GPR137C: variants seen among roughly 807,000 people sequenced by gnomAD.
GPR137C encodes G protein-coupled receptor 137C, also known as integral membrane protein GPR137C.
A neutral mutation model predicts 43.4 loss-of-function variants in GPR137C; 27 were observed. The observed-to-expected ratio is 0.62, with a 90% CI of 0.46 to 0.86. The LOEUF is 0.86. Among genes scored for constraint, GPR137C ranks in the 40% least tolerant of loss-of-function variants. The pLI is 0.00. For synonymous variants in GPR137C, 285 were observed against 226.9 expected (o/e 1.26, Z -2.30); for missense variants, 522 against 534.6 (o/e 0.98, Z 0.23).
chr14:52,590,606 C>CTATGTTTTT (rs1343680264), intron 1 of GPR137C, among the ~76,000 whole-genome samples: 1 of 152,044 alleles, frequency 6.6e-6, no homozygotes. Context: ...TCTTGTATAC[C>CTATGTTTTT]ACATTTTTAC....
At chr14:52,615,901 C>CT (rs1412465341) in intron 3 of GPR137C, among the ~76,000 whole-genome samples, 2 of 152,112 alleles carry the variant, frequency 1.3e-5, no homozygotes, top group Admixed American at 1.3e-4. Context: ...CTCTCACTTG[C>CT]TTTTTAAATA....
At position 52,595,825 on chromosome 14, in the gene GPR137C, G is replaced by A. The variant is rs182715895; in HGVS notation, c.445-2447G>A. ...TTTTGAAGCCTACTTCTGTCAACTC[G>A]TCAAACTCGTTCTCCATCCAGTTTT... On this transcript the variant is annotated intron_variant, in intron 1 of 6. Transcript: ENST00000321662. Among the ~76,000 whole-genome samples the A allele has an allele frequency of 1.8e-4, 28 of 152,204 alleles. No homozygotes were observed. In the Middle Eastern group the frequency reaches 0.014, roughly 74 times the overall value.
intron 1 of GPR137C, among the ~76,000 whole-genome samples, chr14:52,581,386 A>T (rs1566609970): frequency 1.3e-5 from 2 of 149,660 alleles, no homozygotes; most frequent in Non-Finnish European, 3.0e-5. Flanking sequence ...AAAAAAAAAA[A>T]ATAGCTGGGC....
At chr14:52,594,267 G>C (rs1248752768) in intron 1 of GPR137C, among the ~76,000 whole-genome samples, 1 of 152,172 alleles carries the variant, frequency 6.6e-6, no homozygotes, top group Non-Finnish European at 1.5e-5. Flanking sequence ...TTTAGAATAA[G>C]TGTGATGTGG....
rs544956452 is a variant in GPR137C at position 52,595,166 on chromosome 14, G to C, written c.445-3106G>C. On this transcript the variant is annotated intron_variant, in intron 1 of 6. Coordinates refer to ENST00000321662, the MANE Select transcript of GPR137C (RefSeq NM_001099652.2). The stretch of plus-strand genomic sequence containing the variant: ...TGAACCCCACTCTTTTCTGGTTTGT[G>C]GGGTTTCTGCCGAGAGATCCCCTGT... Among the ~76,000 whole-genome samples the C allele has an allele frequency of 1.1e-4, 17 of 152,228 alleles. No homozygotes were observed. In the South Asian group the frequency reaches 3.5e-3, roughly 32 times the overall value.
At chr14:52,561,190 C>T (rs2168823) in intron 1 of GPR137C, among the ~76,000 whole-genome samples, 79,011 of 152,100 alleles carry the variant, frequency 0.52, 21,546 homozygotes, top group East Asian at 0.71. Flanking sequence ...AGACTAACCA[C>T]ACCAACTATT....
chr14:52,608,318 TAAC>T (rs1289968661), intron 3 of GPR137C, among the ~76,000 whole-genome samples: 4 of 152,202 alleles, frequency 2.6e-5, no homozygotes, highest in African/African-American at 4.8e-5. Flanking sequence ...ATTCTGTAGT[TAAC>T]AACAAGTTAC....
chr14:52,583,085 T>A (rs1446474197), intron 1 of GPR137C, among the ~76,000 whole-genome samples: 1 of 152,118 alleles, frequency 6.6e-6, no homozygotes, highest in Non-Finnish European at 1.5e-5. Flanking sequence ...ATTTATCCAG[T>A]TTTTTCTGGT....
chr14:52,568,557 G>C (rs2038410411), intron 1 of GPR137C, among the ~76,000 whole-genome samples: 1 of 152,212 alleles, frequency 6.6e-6, no homozygotes, highest in South Asian at 2.1e-4. Flanking sequence ...CCACTAACTT[G>C]AAATTCTTGC....
intron 1 of GPR137C, among the ~76,000 whole-genome samples, chr14:52,561,627 A>T (rs528128654): frequency 6.6e-6 from 1 of 152,358 alleles, no homozygotes; most frequent in South Asian, 2.1e-4. Flanking sequence ...AATACAAAGG[A>T]ATACCACTCA....
rs536817920 is a variant in GPR137C, at chr14:52,579,304, C to T, written c.445-18968C>T. Among the ~76,000 whole-genome samples, 39 of 152,184 alleles carry T rather than the reference C, an allele frequency of 2.6e-4. 1 individual carries two copies. In the East Asian group the frequency reaches 7.4e-3, roughly 29 times the overall value. On this transcript the variant is annotated intron_variant, in intron 1 of 6. Coordinates refer to ENST00000321662, the MANE Select transcript of GPR137C (RefSeq NM_001099652.2). Reference sequence around the variant, plus strand: ...GACCAAAGGCTTTTTGGTGGCCTCTCCAGAGAATAAATACCCAGATATCTG... The same window carrying T: ...GACCAAAGGCTTTTTGGTGGCCTCTTCAGAGAATAAATACCCAGATATCTG...
intron 1 of GPR137C, among the ~76,000 whole-genome samples, chr14:52,591,087 T>C (rs909484387): frequency 4.0e-5 from 6 of 150,904 alleles, no homozygotes; most frequent in Non-Finnish European, 7.4e-5. Context: ...CGGTATTTGG[T>C]TTTCGGTCCT....
At chr14:52,557,353 C>T (rs2038210509) in intron 1 of GPR137C, among the ~76,000 whole-genome samples, 1 of 152,120 alleles carries the variant, frequency 6.6e-6, no homozygotes, top group Non-Finnish European at 1.5e-5. Context: ...TAAAAGATTT[C>T]ATACAATATA....
chr14:52,573,953 C>G (rs529549821), intron 1 of GPR137C, among the ~76,000 whole-genome samples: 1 of 151,562 alleles, frequency 6.6e-6, no homozygotes, highest in East Asian at 1.9e-4. Context: ...TATGTGGCCA[C>G]AAACATATGA....
At chr14:52,618,866 CCAAT>C (rs201033651) in intron 3 of GPR137C, among the ~76,000 whole-genome samples, 1,825 of 152,018 alleles carry the variant, frequency 0.012, 13 homozygotes, top group Non-Finnish European at 0.019. Flanking sequence ...GTCTGAAAGA[CCAAT>C]CAAAGAATGG....
At chr14:52,607,077 C>T (rs918492724) in intron 3 of GPR137C, among the ~76,000 whole-genome samples, 2 of 152,016 alleles carry the variant, frequency 1.3e-5, no homozygotes, top group Non-Finnish European at 2.9e-5. Flanking sequence ...ATTTAATTTC[C>T]ATGTATTTTT....
chr14:52,589,654 G>GAACAGCCTC, intron 1 of GPR137C, among the ~76,000 whole-genome samples: 1 of 152,258 alleles, frequency 6.6e-6, no homozygotes, highest in Admixed American at 6.5e-5. Flanking sequence ...GTAGATGGTA[G>GAACAGCCTC]TACTGTTACC....
At chr14:52,633,788 A>T (rs767056944) in intron 5 of GPR137C, 40 bp from the exon 6 acceptor site, 3 of 1,538,996 alleles carry the variant, frequency 1.9e-6, no homozygotes, top group Non-Finnish European at 2.7e-6. Context: ...CTTAGTGGAA[A>T]AGTAAAACCT....
chr14:52,566,449 G>A (rs2038371600), intron 1 of GPR137C, among the ~76,000 whole-genome samples: 1 of 152,116 alleles, frequency 6.6e-6, no homozygotes, highest in Non-Finnish European at 1.5e-5. Flanking sequence ...CATTGGTCAG[G>A]AGCCCCTTGT....
Sources: gnomAD v4.1 joint callset for allele counts (sites outside exome capture counted in the v4.1 genomes callset) on GRCh38, gnomAD v4.1.1 for gene constraint, MANE v1.5 for transcripts, NCBI Gene and HGNC (gene_info 2026-07-23, HGNC 2026-07-21) for gene names.